CCSER1: variants seen among roughly 807,000 people sequenced by gnomAD.
The protein encoded by CCSER1 is serine-rich coiled-coil domain-containing protein 1.
In CCSER1, 41 loss-of-function variants were observed where a neutral mutation model predicts 82.0. That is an observed-to-expected ratio of 0.50 (90% confidence interval 0.39 to 0.65). CCSER1 has a LOEUF of 0.65. Ranked by LOEUF, CCSER1 falls within the 30% of genes least tolerant of loss-of-function variation. CCSER1 has a pLI of 0.00. For missense variants in CCSER1, 1,119 were observed against 1,064.2 expected (o/e 1.05, Z -0.72); for synonymous variants, 414 against 383.9 (o/e 1.08, Z -0.92).
intron 1 of CCSER1, among the ~76,000 whole-genome samples, chr4:90,193,032 A>G (rs1352443210): frequency 2.0e-5 from 3 of 152,122 alleles, no homozygotes; most frequent in African/African-American, 7.2e-5. Context: ...GTGACACCCC[A>G]TTGAGAATCT....
At chr4:90,475,435 T>C (rs902877690) in intron 5 of CCSER1, among the ~76,000 whole-genome samples, 6 of 152,206 alleles carry the variant, frequency 3.9e-5, no homozygotes, top group African/African-American at 1.4e-4. Flanking sequence ...GTTGCCTAAA[T>C]ATAGGTCTCT....
At chr4:90,977,961 GA>G (rs1367663300) in intron 9 of CCSER1, among the ~76,000 whole-genome samples, 2 of 151,572 alleles carry the variant, frequency 1.3e-5, no homozygotes, top group Non-Finnish European at 1.5e-5. Context: ...GGCATTCAAT[GA>G]TGTCATTAAT....
intron 3 of CCSER1, among the ~76,000 whole-genome samples, chr4:90,385,597 C>G (rs1337890303): frequency 1.3e-5 from 2 of 151,324 alleles, no homozygotes; most frequent in South Asian, 4.2e-4. Context: ...GTAGCTAGGA[C>G]TACAGGCGCT....
At chr4:91,313,631 A>G (rs1468211474) in intron 10 of CCSER1, among the ~76,000 whole-genome samples, 1 of 151,860 alleles carries the variant, frequency 6.6e-6, no homozygotes, top group African/African-American at 2.4e-5. Flanking sequence ...GGCATTGCAC[A>G]TGGTCCTGAG....
intron 7 of CCSER1, among the ~76,000 whole-genome samples, chr4:90,778,367 G>A (rs1442628329): frequency 6.6e-6 from 1 of 152,084 alleles, no homozygotes; most frequent in Non-Finnish European, 1.5e-5. Flanking sequence ...ATTTACTGGA[G>A]AAGATTAATT....
chr4:91,425,862 GGATA>G (rs1033514345), intron 10 of CCSER1, among the ~76,000 whole-genome samples: 3 of 152,070 alleles, frequency 2.0e-5, no homozygotes, highest in African/African-American at 7.2e-5. Flanking sequence ...ATTTTGTTGA[GGATA>G]GATCTTATGT....
At chr4:90,403,852 A>T (rs1267978165) in intron 4 of CCSER1, 1 of 152,224 alleles carries the variant, frequency 6.6e-6, no homozygotes, top group Non-Finnish European at 1.5e-5. Context: ...GGGAGGAAGG[A>T]CTAGCTTGTA....
chr4:90,328,465 G>C (rs1738626492), intron 3 of CCSER1, among the ~76,000 whole-genome samples: 1 of 152,062 alleles, frequency 6.6e-6, no homozygotes, highest in Non-Finnish European at 1.5e-5. Flanking sequence ...TGGAGAAGCA[G>C]CAATTCTGTC....
chr4:90,490,053 G>A (rs1419495660), intron 5 of CCSER1, among the ~76,000 whole-genome samples: 2 of 152,066 alleles, frequency 1.3e-5, no homozygotes, highest in Non-Finnish European at 2.9e-5. Flanking sequence ...TGGATTGCTG[G>A]GTCAAATGGT....
intron 10 of CCSER1, among the ~76,000 whole-genome samples, chr4:91,375,450 G>A (rs1560622019): frequency 6.6e-6 from 1 of 151,816 alleles, no homozygotes; most frequent in Non-Finnish European, 1.5e-5. Flanking sequence ...TTATCAAACA[G>A]CATTACACAC....
intron 9 of CCSER1, among the ~76,000 whole-genome samples, chr4:90,959,543 T>C (rs35814728): frequency 7.2e-5 from 11 of 152,166 alleles, no homozygotes; most frequent in Non-Finnish European, 7.4e-5. Flanking sequence ...TATGCACTAC[T>C]TTAAGGGATT....
At chr4:90,644,211 G>C in intron 6 of CCSER1, among the ~76,000 whole-genome samples, 1 of 152,122 alleles carries the variant, frequency 6.6e-6, no homozygotes, top group East Asian at 1.9e-4. Context: ...TTGCGTATAT[G>C]TAATGAGATA....
chr4:91,331,115 G>A (rs1168317508), intron 10 of CCSER1, among the ~76,000 whole-genome samples: 1 of 152,038 alleles, frequency 6.6e-6, no homozygotes, highest in African/African-American at 2.4e-5. Flanking sequence ...GGGAACTACT[G>A]TACATGATTC....
rs117410271 is a variant in CCSER1, at chr4:90,216,090, T to G, written c.-42+88259T>G. ...AAGTTGGTAGAAAGGAGCAGAAACT[T>G]TTTATATAACACAGACCCTTGCTAC... On this transcript the variant is annotated intron_variant, in intron 1 of 10. Coordinates refer to ENST00000509176, the MANE Select transcript of CCSER1 (RefSeq NM_001145065.2). Among the ~76,000 whole-genome samples the G allele has an allele frequency of 4.7e-4, 72 of 152,256 alleles. No homozygotes were observed. In the East Asian group the frequency reaches 0.01, roughly 22 times the overall value.
intron 5 of CCSER1, among the ~76,000 whole-genome samples, chr4:90,476,475 G>A (rs1051085045): frequency 3.3e-5 from 5 of 152,062 alleles, no homozygotes; most frequent in African/African-American, 9.7e-5. Flanking sequence ...AAAGGCAGCC[G>A]GCTAGATGTT....
chr4:90,607,869 T>C (rs1784942719), intron 5 of CCSER1, among the ~76,000 whole-genome samples: 1 of 152,176 alleles, frequency 6.6e-6, no homozygotes, highest in Admixed American at 6.5e-5. Flanking sequence ...CAACTAAATT[T>C]TTTTTCAAAA....
chr4:90,348,847 G>A (rs895792860), intron 3 of CCSER1, among the ~76,000 whole-genome samples: 3 of 152,066 alleles, frequency 2.0e-5, no homozygotes, highest in African/African-American at 4.8e-5. Context: ...GGTCTTAAAC[G>A]TTGTTGTGAA....
In CCSER1 at chr4:90,955,004, C is replaced by T. The variant is rs1317133401; in HGVS notation, c.2172+31557C>T. Among the ~76,000 whole-genome samples, 5 of 152,198 alleles carry T rather than the reference C, an allele frequency of 3.3e-5. No individual in the cohort carries two copies. In the East Asian group the frequency reaches 7.7e-4, roughly 23 times the overall value. ...TAGTGTTTCACCTCCTCAAGTCTTT[C>T]ATGGCCAAAATAAGATTGTAAATAT... On this transcript the variant is annotated intron_variant, in intron 9 of 10. Transcript: ENST00000509176.
chr4:90,967,290 A>T (rs914328574), intron 9 of CCSER1, among the ~76,000 whole-genome samples: 4 of 151,932 alleles, frequency 2.6e-5, no homozygotes, highest in African/African-American at 9.7e-5. Flanking sequence ...TCCATTAAAA[A>T]TACAAAAAAT....
Sources: gnomAD v4.1 joint callset for allele counts (sites outside exome capture counted in the v4.1 genomes callset) on GRCh38, gnomAD v4.1.1 for gene constraint, MANE v1.5 for transcripts, NCBI Gene and HGNC (gene_info 2026-07-23, HGNC 2026-07-21) for gene names.